Variants in KLHL1 observed in about 807,000 individuals in gnomAD.
KLHL1 encodes the protein kelch-like protein 1.
KLHL1 carries 47 observed loss-of-function variants against 77.7 expected under a neutral mutation model. That is an observed-to-expected ratio of 0.60 (90% confidence interval 0.48 to 0.77). The LOEUF is 0.77. Ranked by LOEUF, KLHL1 falls within the 30% of genes least tolerant of loss-of-function variation. KLHL1 has a pLI of 0.00. For missense variants in KLHL1, 925 were observed against 910.8 expected, an observed-to-expected ratio of 1.02 and a Z score of -0.20; for synonymous variants, 360 against 325.2, an observed-to-expected ratio of 1.11 and a Z score of -1.15.
chr13:69,732,003 A>T lies in KLHL1; in HGVS notation c.1802+8391T>A, dbSNP rs140819045. On this transcript the variant is annotated intron_variant, in intron 8 of 10. Transcript: ENST00000377844. ...TGATAAAAAGACTTTAAAGATGATA[A>T]AGACTTGACAGATACAAGATAACAC... Among the ~76,000 whole-genome samples the T allele has an allele frequency of 1.5e-4, 23 of 152,294 alleles. No individual in the cohort carries two copies. In the East Asian group the frequency reaches 4.1e-3, roughly 27 times the overall value.
chr13:70,082,399 T>C (rs1887419318), intron 1 of KLHL1, among the ~76,000 whole-genome samples: 1 of 147,226 alleles, frequency 6.8e-6, no homozygotes, highest in South Asian at 2.2e-4. Context: ...TTGCTCTAGG[T>C]GGATATAGAC....
Position 70,020,808 on chromosome 13 carries a change from C to T in KLHL1, c.498-45006G>A, listed in dbSNP as rs541645367. Among the ~76,000 whole-genome samples, 66 of 39,578 alleles carry T rather than the reference C, an allele frequency of 1.7e-3. No homozygotes were observed. In the East Asian group the frequency reaches 0.049, roughly 29 times the overall value. The allele number at this position is 39,578 out of a possible 152,430, so 26.0% of individuals were successfully genotyped here. ...TGTGAGATATATATGTATATGCATA[C>T]ATACACATACACATATATATTCATT... is the stretch of plus-strand genomic sequence containing the variant. On this transcript the variant is annotated intron_variant, in intron 1 of 10. Coordinates refer to ENST00000377844, the MANE Select transcript of KLHL1 (RefSeq NM_020866.3).
At chr13:69,931,493 G>A (rs543561254) in intron 4 of KLHL1, among the ~76,000 whole-genome samples, 15 of 151,718 alleles carry the variant, frequency 9.9e-5, no homozygotes, top group Non-Finnish European at 2.1e-4. Flanking sequence ...TTTGAATCCC[G>A]TTCTTTAAAG....
At chr13:70,048,120 A>C (rs774453134) in intron 1 of KLHL1, among the ~76,000 whole-genome samples, 9 of 152,210 alleles carry the variant, frequency 5.9e-5, no homozygotes, top group Non-Finnish European at 1.2e-4. Context: ...AATCTTAAAA[A>C]ATGATATTAT....
At chr13:70,013,997 A>C (rs1885599379) in intron 1 of KLHL1, among the ~76,000 whole-genome samples, 1 of 152,182 alleles carries the variant, frequency 6.6e-6, no homozygotes, top group African/African-American at 2.4e-5. Flanking sequence ...TGGCTAATAA[A>C]AGCGTTGCTG....
chr13:70,063,758 T>C (rs761776333), intron 1 of KLHL1, among the ~76,000 whole-genome samples: 2 of 152,104 alleles, frequency 1.3e-5, no homozygotes, highest in Non-Finnish European at 2.9e-5. Context: ...ACTTCATTGG[T>C]GATAATACAT....
At chr13:69,854,273 G>A (rs1593889608) in intron 5 of KLHL1, among the ~76,000 whole-genome samples, 1 of 151,862 alleles carries the variant, frequency 6.6e-6, no homozygotes, top group East Asian at 1.9e-4. Context: ...AGGACTTCAG[G>A]CTGTTTCTAC....
Position 69,975,810 on chromosome 13 carries a change from CCACACA to C in KLHL1, c.498-14_498-9del, listed in dbSNP as rs144583054. ...TGGCCGGTTGATGACAGCCTATAAA[CCACACA>C]CACACACACACACACACAAAATAAT... On this transcript the variant is annotated splice_polypyrimidine_tract_variant and intron_variant, in intron 1 of 10. Transcript: ENST00000377844. 3,852 of 1,515,728 alleles carry C rather than the reference CCACACA, an allele frequency of 2.5e-3. 10 individuals are homozygous for C. Among genetic ancestry groups the C allele is most frequent in the Non-Finnish European group, 2.9e-3 (3,190 of 1,116,796 alleles). 93.9% of individuals were successfully genotyped at this position (1,515,728 alleles called of 1,614,324 possible).
intron 6 of KLHL1, among the ~76,000 whole-genome samples, chr13:69,807,380 C>A (rs1289649378): frequency 6.6e-6 from 1 of 151,998 alleles, no homozygotes; most frequent in Non-Finnish European, 1.5e-5. Flanking sequence ...GGAAATAAGG[C>A]CATCCTAGGT....
intron 1 of KLHL1, among the ~76,000 whole-genome samples, chr13:70,044,859 T>G (rs532968702): frequency 6.6e-6 from 1 of 152,174 alleles, no homozygotes; most frequent in East Asian, 1.9e-4. Context: ...AGTTTTTCAA[T>G]AGTCAGCACA....
At chr13:70,047,164 T>G (rs1333434342) in intron 1 of KLHL1, among the ~76,000 whole-genome samples, 1 of 151,682 alleles carries the variant, frequency 6.6e-6, no homozygotes, top group African/African-American at 2.4e-5. Context: ...AATGTGTGCC[T>G]ACATTGAATC....
At chr13:69,775,742 G>A (rs961168898) in intron 7 of KLHL1, among the ~76,000 whole-genome samples, 3 of 151,918 alleles carry the variant, frequency 2.0e-5, no homozygotes, top group African/African-American at 7.3e-5. Flanking sequence ...TAGGACTGGA[G>A]TGCAGTGGTG....
At chr13:69,726,782 C>T (rs973423874) in intron 8 of KLHL1, among the ~76,000 whole-genome samples, 15 of 152,112 alleles carry the variant, frequency 9.9e-5, no homozygotes, top group Non-Finnish European at 2.1e-4. Context: ...TCCAACTCTA[C>T]GCGTTTTATA....
intron 1 of KLHL1, among the ~76,000 whole-genome samples, chr13:70,036,814 G>T (rs1886248888): frequency 1.6e-5 from 2 of 128,448 alleles, no homozygotes; most frequent in African/African-American, 2.9e-5. Context: ...CCCAACTTGG[G>T]TTTGATTTTA....
chr13:70,002,216 A>C (rs1023276066), intron 1 of KLHL1, among the ~76,000 whole-genome samples: 1 of 151,656 alleles, frequency 6.6e-6, no homozygotes, highest in African/African-American at 2.4e-5. Flanking sequence ...GAAGAAGAAA[A>C]TATAACAATA....
At chr13:69,974,433 G>A (rs1273893366) in intron 2 of KLHL1, among the ~76,000 whole-genome samples, 3 of 151,356 alleles carry the variant, frequency 2.0e-5, no homozygotes, top group Admixed American at 6.6e-5. Flanking sequence ...TATATAAACA[G>A]TAATAAAGAA....
chr13:69,938,878 A>T (rs557181833), intron 4 of KLHL1, among the ~76,000 whole-genome samples: 2 of 152,220 alleles, frequency 1.3e-5, no homozygotes, highest in East Asian at 3.9e-4. Flanking sequence ...CTGTTTCAAA[A>T]TGGCAATCAG....
intron 1 of KLHL1, among the ~76,000 whole-genome samples, chr13:70,002,006 C>T (rs1229850378): frequency 6.6e-6 from 1 of 151,566 alleles, no homozygotes; most frequent in Non-Finnish European, 1.5e-5. Context: ...AGCTAATCTA[C>T]ATCCACCTTA....
chr13:69,896,036 C>T (rs1206984295), intron 4 of KLHL1, among the ~76,000 whole-genome samples: 1 of 152,016 alleles, frequency 6.6e-6, no homozygotes, highest in African/African-American at 2.4e-5. Flanking sequence ...AGCTCATTCA[C>T]ATTGCTGGTA....
Sources: allele counts gnomAD v4.1 joint callset (sites outside exome capture counted in the v4.1 genomes callset), GRCh38; gene constraint gnomAD v4.1.1; transcripts MANE v1.5; gene names NCBI Gene and HGNC (gene_info 2026-07-23, HGNC 2026-07-21).